Variants in GOLGA7 observed in about 807,000 individuals in gnomAD.
GOLGA7 encodes the protein golgin subfamily A member 7.
Under a neutral mutation model 21.1 loss-of-function variants are expected in GOLGA7, and 10 were observed. The observed-to-expected ratio is 0.47, with a 90% CI of 0.29 to 0.80. The LOEUF (loss-of-function observed/expected upper bound fraction) is 0.80, where lower values mean the gene tolerates loss of function less well. GOLGA7 is among the 30% of genes least tolerant of loss of function. The pLI, the probability that GOLGA7 is intolerant of heterozygous loss-of-function variation, is 0.08. For synonymous variants in GOLGA7, 64 were observed against 62.6 expected (o/e 1.02, Z -0.10); for missense variants, 114 against 166.8 (o/e 0.68, Z 1.74).
intron 1 of GOLGA7, among the ~76,000 whole-genome samples, chr8:41,494,177 G>A (rs960594587): frequency 2.0e-5 from 3 of 152,066 alleles, no homozygotes; most frequent in East Asian, 3.8e-4. Flanking sequence ...TAACGCATAA[G>A]AATTAAGTGT....
At chr8:41,503,457 T>C (rs1806199277) in intron 2 of GOLGA7, among the ~76,000 whole-genome samples, 1 of 101,114 alleles carries the variant, frequency 9.9e-6, no homozygotes, top group South Asian at 3.9e-4. Context: ...TTGCCATTGC[T>C]TTTGGTGTTT....
chr8:41,505,810 G>A (rs1213853025), intron 2 of GOLGA7, 101 bp from the exon 3 acceptor site: 1 of 605,190 alleles, frequency 1.7e-6, no homozygotes, highest in African/African-American at 1.9e-5. Context: ...CATGTGACTT[G>A]CCTTGAAAAC....
intron 2 of GOLGA7, among the ~76,000 whole-genome samples, chr8:41,505,075 T>A (rs1806252715): frequency 6.6e-6 from 1 of 152,214 alleles, no homozygotes; most frequent in South Asian, 2.1e-4. Context: ...AACATGTAAC[T>A]CTTTGATTTG....
chr8:41,492,389 C>G (rs896046103), intron 1 of GOLGA7, among the ~76,000 whole-genome samples: 2 of 152,174 alleles, frequency 1.3e-5, no homozygotes, highest in South Asian at 2.1e-4. Flanking sequence ...TGGCTGGGCC[C>G]GGTGGCTCAC....
chr8:41,491,690 AAT>A (rs1181646395), intron 1 of GOLGA7, among the ~76,000 whole-genome samples: 3 of 151,576 alleles, frequency 2.0e-5, no homozygotes, highest in African/African-American at 4.8e-5. Flanking sequence ...AAAAAAAAAA[AAT>A]CATTGTATCT....
chr8:41,497,367 T>G, intron 1 of GOLGA7, 142 bp from the exon 2 acceptor site: 1 of 543,520 alleles, frequency 1.8e-6, no homozygotes. Context: ...AATTAAGCAG[T>G]TTTGGTAACT....
Position 41,490,985 on chromosome 8 carries a change from A to C in GOLGA7, c.111+20A>C. On this transcript the variant is annotated intron_variant, in intron 1 of 4. Transcript: ENST00000357743. ...AACCGGGTACGCAACCTGGCTCCCC[A>C]CGCCTGCTCTGGCGAGGGAGAGAGA... 7.5e-7 allele frequency: 1 copy of C among 1,331,542 alleles called. No individual in the cohort carries two copies. Among genetic ancestry groups the C allele is most frequent in the Non-Finnish European group, 1.1e-6 (1 of 942,444 alleles). 82.5% of individuals were successfully genotyped at this position (1,331,542 alleles called of 1,614,324 possible).
At position 41,509,789 on chromosome 8, in the gene GOLGA7, T is replaced by C. The variant is rs1190552746; in HGVS notation, c.*221T>C. ...TGTCTCCAAATTGTGTAGGACTCTG[T>C]AATCTTTTGATTAGTTTCTGAGAAA... is the stretch of plus-strand genomic sequence containing the variant. On this transcript the variant is annotated 3_prime_UTR_variant, in exon 5 of 5. Transcript: ENST00000357743. 6.6e-6 allele frequency: 1 copy of C among 152,654 alleles called. No homozygotes were observed. Among genetic ancestry groups the C allele is most frequent in the Non-Finnish European group, 1.5e-5 (1 of 68,044 alleles). The allele number at this position is 152,654 out of a possible 1,614,324, so 9.5% of individuals were successfully genotyped here. A position where few individuals can be genotyped will look rare whatever the true frequency, so the allele number is the denominator to read the frequency against.
intron 2 of GOLGA7, among the ~76,000 whole-genome samples, chr8:41,502,171 T>C (rs1309193479): frequency 1.3e-5 from 2 of 152,266 alleles, no homozygotes; most frequent in Non-Finnish European, 2.9e-5. Flanking sequence ...ACCTATACTT[T>C]TAATAGAAGT....
rs1805857663 is a variant in GOLGA7, at chr8:41,490,694, C to A, written c.-161C>A. On this transcript the variant is annotated 5_prime_UTR_variant, in exon 1 of 5. Coordinates refer to ENST00000357743, the MANE Select transcript of GOLGA7 (RefSeq NM_001002296.2). ...AGGCGGCAGCTAAGGCCCGCGGTGA[C>A]AGCATGGGTGAAGGGGAGCGGGGCA... The A allele has an allele frequency of 3.5e-6, 2 of 575,238 alleles. No homozygotes were observed. The allele number at this position is 575,238 out of a possible 1,614,324, so 35.6% of individuals were successfully genotyped here.
chr8:41,492,673 T>C (rs559620705), intron 1 of GOLGA7, among the ~76,000 whole-genome samples: 1 of 152,262 alleles, frequency 6.6e-6, no homozygotes, highest in African/African-American at 2.4e-5. Flanking sequence ...AAAAAATAAA[T>C]CAAATAAAAA....
chr8:41,496,947 A>G (rs1055724515), intron 1 of GOLGA7, among the ~76,000 whole-genome samples: 7 of 151,240 alleles, frequency 4.6e-5, no homozygotes, highest in African/African-American at 1.7e-4. Context: ...AGCTGGGGCT[A>G]TAGGCACCCG....
At chr8:41,493,607 A>T (rs1399874781) in intron 1 of GOLGA7, among the ~76,000 whole-genome samples, 1 of 152,228 alleles carries the variant, frequency 6.6e-6, no homozygotes, top group Non-Finnish European at 1.5e-5. Context: ...TAGAAGAATG[A>T]GTGAACTGTA....
chr8:41,496,570 G>T (rs1013573653), intron 1 of GOLGA7, among the ~76,000 whole-genome samples: 3 of 151,754 alleles, frequency 2.0e-5, no homozygotes, highest in Non-Finnish European at 4.4e-5. Flanking sequence ...ACCTTATTTA[G>T]TAACAAGATA....
intron 4 of GOLGA7, among the ~76,000 whole-genome samples, chr8:41,508,399 A>G (rs985946486): frequency 6.6e-6 from 1 of 152,236 alleles, no homozygotes; most frequent in Non-Finnish European, 1.5e-5. Flanking sequence ...CTAAATCATG[A>G]TATCTATCCT....
chr8:41,501,704 T>C (rs978011549), intron 2 of GOLGA7, among the ~76,000 whole-genome samples: 5 of 152,212 alleles, frequency 3.3e-5, no homozygotes, highest in African/African-American at 1.2e-4. Flanking sequence ...CCAAGATAGA[T>C]TTTAAATGAA....
At chr8:41,497,737 A>C (rs1025240194) in intron 2 of GOLGA7, 76 bp downstream of exon 2, 4 of 742,634 alleles carry the variant, frequency 5.4e-6, no homozygotes, top group Non-Finnish European at 9.3e-6. Flanking sequence ...TGATGCTTAC[A>C]TGGTGATAGT....
chr8:41,506,291 TG>T (rs1221593709), intron 3 of GOLGA7, among the ~76,000 whole-genome samples: 9 of 151,804 alleles, frequency 5.9e-5, no homozygotes, highest in African/African-American at 2.2e-4. Flanking sequence ...ATAATGGGGG[TG>T]GTTTGAGTAA....
intron 1 of GOLGA7, among the ~76,000 whole-genome samples, chr8:41,497,134 A>G (rs1237955946): frequency 9.9e-5 from 15 of 151,366 alleles, no homozygotes; most frequent in African/African-American, 3.4e-4. Context: ...TTATGTTTAC[A>G]TTGCCTGTTC....
Sources: gnomAD v4.1 joint callset for allele counts (sites outside exome capture counted in the v4.1 genomes callset) on GRCh38, gnomAD v4.1.1 for gene constraint, MANE v1.5 for transcripts, NCBI Gene and HGNC (gene_info 2026-07-23, HGNC 2026-07-21) for gene names.